SNTA1: variants seen among roughly 807,000 people sequenced by gnomAD.
SNTA1 encodes alpha-1-syntrophin.
Under a neutral mutation model 47.1 loss-of-function variants are expected in SNTA1, and 31 were observed. That is an observed-to-expected ratio of 0.66 (90% confidence interval 0.49 to 0.89). The LOEUF (loss-of-function observed/expected upper bound fraction) is 0.89. SNTA1 is among the 40% of genes least tolerant of loss of function. The pLI, the probability that SNTA1 is intolerant of heterozygous loss-of-function variation, is 0.00. For missense variants in SNTA1, 575 were observed against 693.0 expected (o/e 0.83, Z 1.91); for synonymous variants, 300 against 313.6 (o/e 0.96, Z 0.46).
At chr20:33,417,469 G>A (rs753202038) in intron 3 of SNTA1, among the ~76,000 whole-genome samples, 1 of 152,194 alleles carries the variant, frequency 6.6e-6, no homozygotes, top group Non-Finnish European at 1.5e-5. Flanking sequence ...GACCAGGACT[G>A]GAACGCAGGG....
At position 33,439,047 on chromosome 20, in the gene SNTA1, G is replaced by A. The variant is rs546697137; in HGVS notation, c.311-21C>T. 26 of 1,609,838 alleles carry A rather than the reference G, an allele frequency of 1.6e-5. No individual in the cohort carries two copies. In the East Asian group the frequency reaches 5.6e-4, roughly 35 times the overall value. On this transcript the variant is annotated intron_variant, in intron 1 of 7. Coordinates refer to ENST00000217381, the MANE Select transcript of SNTA1 (RefSeq NM_003098.3). ...GCCGCCTGCACAGGTACAGAAGGAG[G>A]ACAAGACTTAGGCAGATACTCCAAC...
intron 2 of SNTA1, among the ~76,000 whole-genome samples, chr20:33,436,487 AT>A (rs563486449): frequency 3.7e-4 from 57 of 152,120 alleles, no homozygotes; most frequent in Non-Finnish European, 7.2e-4. Flanking sequence ...TTAAAATATG[AT>A]TGATACACTT....
chr20:33,420,111 A>T (rs1158888524), intron 2 of SNTA1, among the ~76,000 whole-genome samples: 1 of 151,924 alleles, frequency 6.6e-6, no homozygotes, highest in Non-Finnish European at 1.5e-5. Context: ...TTTAGTAGAG[A>T]TGGGGTTTCG....
intron 2 of SNTA1, among the ~76,000 whole-genome samples, chr20:33,429,964 G>A (rs1048720561): frequency 1.4e-4 from 22 of 152,026 alleles, no homozygotes; most frequent in African/African-American, 4.1e-4. Context: ...ACAGGGTTTC[G>A]CTATGTTGCT....
In SNTA1 at chr20:33,409,611, G is replaced by A. The variant is rs188743013; in HGVS notation, c.1237+524C>T. 9.4e-4 allele frequency among the ~76,000 whole-genome samples: 143 copies of A among 151,506 alleles called. 1 individual carries two copies. The highest frequency in any genetic ancestry group is 3.2e-3 in the African/African-American group (134 of 41,276). ...GCGTAGCTGGGACTACAGGCACCTA[G>A]TACCATGCCCGGCTAATTTTTGTAT... is the stretch of plus-strand genomic sequence containing the variant. On this transcript the variant is annotated intron_variant, in intron 6 of 7. Transcript: ENST00000217381.
chr20:33,439,246 G>A (rs1042129046), intron 1 of SNTA1, among the ~76,000 whole-genome samples: 2 of 152,222 alleles, frequency 1.3e-5, no homozygotes, highest in Non-Finnish European at 1.5e-5. Context: ...GCTCATGCCT[G>A]TAATCCCAGC....
In SNTA1 at chr20:33,417,936, G is replaced by A; in HGVS notation, c.497-13C>T. ...TTCATATACTTGACTGATTGGGAGA[G>A]ACATCAGCAGTCACCACTGTGACAT... On this transcript the variant is annotated splice_polypyrimidine_tract_variant and intron_variant, in intron 2 of 7. Transcript: ENST00000217381. 6.3e-7 allele frequency: 1 copy of A among 1,575,318 alleles called. No individual in the cohort carries two copies. The highest frequency in any genetic ancestry group is 8.7e-7 in the Non-Finnish European group (1 of 1,144,844).
intron 2 of SNTA1, among the ~76,000 whole-genome samples, chr20:33,430,320 ACT>A (rs1990273353): frequency 7.7e-6 from 1 of 129,370 alleles, no homozygotes; most frequent in Non-Finnish European, 1.6e-5. Context: ...ACGGAGTCTC[ACT>A]CTGTCGCCCA....
chr20:33,443,762 C>G lies in SNTA1; in HGVS notation c.-142G>C. 5.3e-6 allele frequency: 2 copies of G among 380,702 alleles called. No individual in the cohort carries two copies. Among genetic ancestry groups the G allele is most frequent in the South Asian group, 1.2e-4 (1 of 8,394 alleles). 23.6% of individuals were successfully genotyped at this position (380,702 alleles called of 1,614,324 possible). On this transcript the variant is annotated 5_prime_UTR_variant, in exon 1 of 8. Transcript: ENST00000217381. ...TACCCCGGCCGCTGGGGGAGGAGCT[C>G]TGGGGGCGGGGCTACCCTGGGGTGT... is the stretch of plus-strand genomic sequence containing the variant.
intron 2 of SNTA1, among the ~76,000 whole-genome samples, chr20:33,432,952 T>TA (rs1990346918): frequency 6.6e-6 from 1 of 152,030 alleles, no homozygotes; most frequent in Admixed American, 6.6e-5. Context: ...TTTTTTGAGA[T>TA]AGAGACTCAC....
chr20:33,436,858 C>T (rs566999876), intron 2 of SNTA1, among the ~76,000 whole-genome samples: 13 of 148,538 alleles, frequency 8.8e-5, no homozygotes, highest in African/African-American at 3.0e-4. Context: ...CCCAGCTACT[C>T]GGAAGGCTAA....
At chr20:33,437,823 A>T (rs1418896133) in intron 2 of SNTA1, among the ~76,000 whole-genome samples, 1 of 152,246 alleles carries the variant, frequency 6.6e-6, no homozygotes, top group African/African-American at 2.4e-5. Flanking sequence ...ATGGCACAAG[A>T]TGGTCATGGG....
chr20:33,437,358 G>C (rs1018334675), intron 2 of SNTA1, among the ~76,000 whole-genome samples: 1 of 150,560 alleles, frequency 6.6e-6, no homozygotes, highest in Non-Finnish European at 1.5e-5. Flanking sequence ...GCCCCGGGGG[G>C]TGGAGGGTGC....
chr20:33,430,413 T>C (rs896684327), intron 2 of SNTA1, among the ~76,000 whole-genome samples: 1 of 150,156 alleles, frequency 6.7e-6, no homozygotes, highest in Non-Finnish European at 1.5e-5. Context: ...CTCAGCCTCC[T>C]GAGTAGCTGG....
intron 2 of SNTA1, among the ~76,000 whole-genome samples, chr20:33,436,292 A>G (rs1351882575): frequency 1.3e-5 from 2 of 152,238 alleles, no homozygotes; most frequent in East Asian, 1.9e-4. Context: ...AAATTTTACC[A>G]TAGACTAAAC....
At chr20:33,436,631 T>C (rs956059073) in intron 2 of SNTA1, among the ~76,000 whole-genome samples, 5 of 151,490 alleles carry the variant, frequency 3.3e-5, no homozygotes, top group African/African-American at 9.7e-5. Flanking sequence ...AGCCCAGGAG[T>C]TGGAGACCAG....
intron 2 of SNTA1, among the ~76,000 whole-genome samples, chr20:33,426,287 A>G (rs1990167145): frequency 6.7e-6 from 1 of 149,686 alleles, no homozygotes; most frequent in Non-Finnish European, 1.5e-5. Context: ...TGTCTCTACT[A>G]AAAATACAAA....
In SNTA1 at chr20:33,430,004, A is replaced by G. The variant is rs555312348; in HGVS notation, c.496+8837T>C. On this transcript the variant is annotated intron_variant, in intron 2 of 7. Coordinates refer to ENST00000217381, the MANE Select transcript of SNTA1 (RefSeq NM_003098.3). The stretch of plus-strand genomic sequence containing the variant: ...CTAAGCTGGATATTTTTGAATGAGT[A>G]TGTATTACTTTTTAAATTTTCTAAA... Among the ~76,000 whole-genome samples the G allele has an allele frequency of 1.2e-4, 19 of 152,236 alleles. No individual in the cohort carries two copies. The East Asian group carries it at 3.1e-3, about 25-fold the overall frequency.
chr20:33,412,230 TGG>T, intron 5 of SNTA1, 64 bp downstream of exon 5: 1 of 1,552,592 alleles, frequency 6.4e-7, no homozygotes. Context: ...TCCCAGCTTC[TGG>T]GGCCCTGCTG....
Sources: gnomAD v4.1 joint callset for allele counts (sites outside exome capture counted in the v4.1 genomes callset) on GRCh38, gnomAD v4.1.1 for gene constraint, MANE v1.5 for transcripts, NCBI Gene and HGNC (gene_info 2026-07-23, HGNC 2026-07-21) for gene names.